TTI1: variants seen among roughly 807,000 people sequenced by gnomAD.
TTI1 encodes the protein TELO2 interacting protein 1, also known as TELO2-interacting protein 1 homolog.
Under a neutral mutation model 85.4 loss-of-function variants are expected in TTI1, and 52 were observed. That is an observed-to-expected ratio of 0.61 (90% CI 0.49 to 0.77). The LOEUF (loss-of-function observed/expected upper bound fraction) is 0.77, where lower values mean the gene tolerates loss of function less well. Among genes scored for constraint, TTI1 ranks in the 30% least tolerant of loss-of-function variants. TTI1 has a pLI of 0.00. For missense variants in TTI1, 1,173 were observed against 1,296.0 expected (o/e 0.91, Z 1.46); for synonymous variants, 512 against 503.9 (o/e 1.02, Z -0.22).
Position 37,994,229 on chromosome 20 carries a change from G to T in TTI1, c.3086+2146C>A, listed in dbSNP as rs184684076. ...GCTCACTGCAACATCCGCCTCCCAG[G>T]TTCAAGTGATGCTCCTGCCTCAGCT... On this transcript the variant is annotated intron_variant, in intron 7 of 7. Coordinates refer to ENST00000373447, the MANE Select transcript of TTI1 (RefSeq NM_001303457.2). Among the ~76,000 whole-genome samples, 523 of 152,212 alleles carry T rather than the reference G, an allele frequency of 3.4e-3. 2 individuals carry two copies. Among genetic ancestry groups the T allele is most frequent in the African/African-American group, 0.012 (494 of 41,536 alleles).
intron 1 of TTI1, among the ~76,000 whole-genome samples, chr20:38,031,128 C>T (rs951680654): frequency 6.6e-6 from 1 of 152,232 alleles, no homozygotes; most frequent in Non-Finnish European, 1.5e-5. Context: ...GTTACTACAA[C>T]AGCTGCCAAA....
chr20:38,023,513 A>G (rs1363317804), intron 1 of TTI1, among the ~76,000 whole-genome samples: 12 of 152,212 alleles, frequency 7.9e-5, no homozygotes, highest in Admixed American at 7.9e-4. Context: ...AACAAGTCGT[A>G]TGATGAAATA....
At chr20:37,983,723 C>G (rs748008111) in intron 7 of TTI1, 84 bp from the exon 8 acceptor site, 420 of 1,251,154 alleles carry the variant, frequency 3.4e-4, no homozygotes, top group Non-Finnish European at 4.1e-4. Flanking sequence ...AGGCTGTTTA[C>G]CAGGCTATTT....
intron 1 of TTI1, among the ~76,000 whole-genome samples, chr20:38,016,441 G>T (rs1373356398): frequency 6.6e-6 from 1 of 152,194 alleles, no homozygotes; most frequent in Non-Finnish European, 1.5e-5. Flanking sequence ...CCCTGACAGG[G>T]TGGTGGTTCC....
chr20:38,012,291 A>G lies in TTI1; in HGVS notation c.1526T>C (p.Met509Thr). The stretch of plus-strand genomic sequence containing the variant: ...AACCACAGATTGATGGTAAAGTTCC[A>G]TAAAGTGATCCACAAGCAAATAAAG... ...GNLYLLVDHF[M>T]ELYHQSVVYR... Residue 509 changes from methionine (M) to threonine (T), a missense_variant, in exon 2 of 8, where the codon ATG becomes ACG. Transcript: ENST00000373447. 6.2e-7 allele frequency: 1 copy of G among 1,614,234 alleles called. No individual in the cohort carries two copies. Among genetic ancestry groups the G allele is most frequent in the Non-Finnish European group, 8.5e-7 (1 of 1,180,038 alleles).
At chr20:38,002,303 A>G (rs186799920) in intron 4 of TTI1, among the ~76,000 whole-genome samples, 51 of 152,356 alleles carry the variant, frequency 3.3e-4, no homozygotes, top group Middle Eastern at 6.8e-3. Context: ...TGATCTCATT[A>G]AAGTATTAAA....
chr20:38,000,027 A>G (rs958265944), intron 4 of TTI1, among the ~76,000 whole-genome samples: 1 of 152,234 alleles, frequency 6.6e-6, no homozygotes, highest in Non-Finnish European at 1.5e-5. Context: ...TAGGATCCAC[A>G]TGAGAGGAGC....
At chr20:38,027,309 C>G (rs141821430) in intron 1 of TTI1, among the ~76,000 whole-genome samples, 1 of 152,098 alleles carries the variant, frequency 6.6e-6, no homozygotes, top group Non-Finnish European at 1.5e-5. Context: ...TAACACAATG[C>G]AAATGTTATG....
chr20:38,024,110 A>G (rs1478168213), intron 1 of TTI1, among the ~76,000 whole-genome samples: 1 of 152,184 alleles, frequency 6.6e-6, no homozygotes, highest in Non-Finnish European at 1.5e-5. Flanking sequence ...CATTTCTAAA[A>G]AAGGGATTCT....
At chr20:37,996,242 CAGTTAA>C in intron 7 of TTI1, 127 bp downstream of exon 7, 1 of 884,574 alleles carries the variant, frequency 1.1e-6, no homozygotes, top group Non-Finnish European at 1.8e-6. Flanking sequence ...AGTGCTGGCA[CAGTTAA>C]AGAATTATCT....
intron 1 of TTI1, among the ~76,000 whole-genome samples, chr20:38,025,315 C>A (rs1054530659): frequency 6.6e-6 from 1 of 152,028 alleles, no homozygotes; most frequent in Non-Finnish European, 1.5e-5. Flanking sequence ...ACACCTGTAA[C>A]CCGAGCACTT....
At position 38,012,193 on chromosome 20, in the gene TTI1, G is replaced by A; in HGVS notation, c.1624C>T (p.His542Tyr). The A allele has an allele frequency of 6.2e-7, 1 of 1,614,128 alleles. No individual in the cohort carries two copies. ...GAAGLEVEDL[H>Y]EKHIKTNPEE... ...GGGTTTGTTTTAATATGTTTTTCGT[G>A]AAGATCCTCAACCTCCAGCCCAGCA... The change falls in exon 2 of 8, where the codon CAC (histidine) becomes TAC (tyrosine). Residue 542 changes from histidine to tyrosine, a missense_variant. His to Tyr is a moderately conservative substitution (Grantham distance 83). Coordinates refer to ENST00000373447, the MANE Select transcript of TTI1 (RefSeq NM_001303457.2).
At chr20:38,024,565 AC>A (rs1257280664) in intron 1 of TTI1, among the ~76,000 whole-genome samples, 1 of 151,946 alleles carries the variant, frequency 6.6e-6, no homozygotes, top group Non-Finnish European at 1.5e-5. Flanking sequence ...CCCAACAAAA[AC>A]CTGCTCTCTC....
In TTI1 at chr20:38,006,381, G is replaced by C; in HGVS notation, c.2319C>G (p.Asp773Glu). Residue 773 changes from aspartate (D) to glutamate (E), a missense_variant, in exon 3 of 8, where the codon GAC becomes GAG. Asp to Glu is a conservative substitution (Grantham distance 45). Coordinates refer to ENST00000373447, the MANE Select transcript of TTI1 (RefSeq NM_001303457.2). ...LMAALAQWFP[D>E]TGNLGHLQEQ... ...CTTGGAGGTGCCCAAGATTACCTGT[G>C]TCTGGGAACCACTGGGCTGTAAATA... The C allele has an allele frequency of 6.2e-7, 1 of 1,614,146 alleles. No individual in the cohort carries two copies. The highest frequency in any genetic ancestry group is 8.5e-7 in the Non-Finnish European group (1 of 1,180,036).
intron 1 of TTI1, among the ~76,000 whole-genome samples, chr20:38,024,053 A>G (rs1220456616): frequency 2.0e-5 from 3 of 152,148 alleles, no homozygotes; most frequent in African/African-American, 7.2e-5. Context: ...CACTAATACT[A>G]TGTGCCTGTT....
chr20:38,019,277 C>A (rs373975603), intron 1 of TTI1: 1 of 151,324 alleles, frequency 6.6e-6, no homozygotes, highest in Non-Finnish European at 1.5e-5. Flanking sequence ...AAGCATGGAA[C>A]TATAAGAGGG....
intron 7 of TTI1, among the ~76,000 whole-genome samples, chr20:37,991,705 ACAT>A (rs1210527766): frequency 2.6e-5 from 4 of 152,272 alleles, no homozygotes; most frequent in African/African-American, 9.6e-5. Flanking sequence ...AGTAACATAC[ACAT>A]CATGTATAAC....
intron 1 of TTI1, among the ~76,000 whole-genome samples, chr20:38,020,321 A>ATATAT (rs1443587921): frequency 4.9e-4 from 21 of 42,716 alleles, no homozygotes; most frequent in African/African-American, 1.5e-3. Flanking sequence ...AAAAAAAAAA[A>ATATAT]AAATATATAT....
At chr20:38,003,124 C>G (rs542293571) in intron 3 of TTI1, among the ~76,000 whole-genome samples, 1 of 152,130 alleles carries the variant, frequency 6.6e-6, no homozygotes, top group Admixed American at 6.5e-5. Flanking sequence ...CCATGCCCAA[C>G]TAATTTTTAA....
Sources: allele counts gnomAD v4.1 joint callset (sites outside exome capture counted in the v4.1 genomes callset), GRCh38; gene constraint gnomAD v4.1.1; transcripts MANE v1.5; gene names NCBI Gene and HGNC (gene_info 2026-07-23, HGNC 2026-07-21).